The following HCN1 variants were observed in gnomAD, a reference collection of about 807,000 sequenced individuals.
The protein encoded by HCN1 is potassium/sodium hyperpolarization-activated cyclic nucleotide-gated channel 1.
Under a neutral mutation model 78.9 loss-of-function variants are expected in HCN1, and 13 were observed. That is an observed-to-expected ratio of 0.16 (90% CI 0.11 to 0.26). The LOEUF (loss-of-function observed/expected upper bound fraction) is 0.26. Among genes scored for constraint, HCN1 ranks in the 10% least tolerant of loss-of-function variants. The pLI is 1.00. For synonymous variants in HCN1, 552 were observed against 455.5 expected (o/e 1.21, Z -2.70); for missense variants, 810 against 1,154.3 (o/e 0.70, Z 4.32).
At chr5:45,511,141 C>T (rs932195029) in intron 2 of HCN1, among the ~76,000 whole-genome samples, 1 of 151,858 alleles carries the variant, frequency 6.6e-6, no homozygotes, top group Non-Finnish European at 1.5e-5. Context: ...CATGAGCTCT[C>T]CATGGCCAAA....
At chr5:45,561,827 A>T (rs1192115604) in intron 2 of HCN1, among the ~76,000 whole-genome samples, 2 of 152,146 alleles carry the variant, frequency 1.3e-5, no homozygotes, top group African/African-American at 2.4e-5. Context: ...TACTTAACAA[A>T]ATCCTAACTC....
At chr5:45,370,871 G>C (rs1046346999) in intron 4 of HCN1, among the ~76,000 whole-genome samples, 1 of 152,024 alleles carries the variant, frequency 6.6e-6, no homozygotes, top group Non-Finnish European at 1.5e-5. Context: ...AGTGATGATG[G>C]AGCTAAATGG....
chr5:45,290,057 G>GT (rs1745340301), intron 6 of HCN1, among the ~76,000 whole-genome samples: 1 of 151,922 alleles, frequency 6.6e-6, no homozygotes, highest in Non-Finnish European at 1.5e-5. Context: ...CATGGAGGCA[G>GT]TTTTTCCTGC....
In HCN1 at chr5:45,496,377, G is replaced by A. The variant is rs572997644; in HGVS notation, c.850-34370C>T. ...GTATCCATTTCTTCTAGATTTTCTA[G>A]TTTATTTGCGTAGAGGTGTTTGTAG... is the stretch of plus-strand genomic sequence containing the variant. On this transcript the variant is annotated intron_variant, in intron 2 of 7. Coordinates refer to ENST00000303230, the MANE Select transcript of HCN1 (RefSeq NM_021072.4). 1.8e-3 allele frequency among the ~76,000 whole-genome samples: 279 copies of A among 151,828 alleles called. 1 individual carries two copies. The highest frequency in any genetic ancestry group is 3.5e-3 in the South Asian group (17 of 4,798).
chr5:45,495,959 T>G (rs1160619258), intron 2 of HCN1, among the ~76,000 whole-genome samples: 4 of 152,206 alleles, frequency 2.6e-5, no homozygotes, highest in African/African-American at 9.6e-5. Flanking sequence ...GCCCACTTGA[T>G]CATGGTGGAT....
Position 45,443,755 on chromosome 5 carries a change from G to A in HCN1, c.1011+18091C>T, listed in dbSNP as rs1412188761. Reference sequence around the variant, plus strand: ...TAATTTAATATTTTTCTCTAATTGTGTTCCAAATAGAAACTGACAAATAGT... The same window carrying A: ...TAATTTAATATTTTTCTCTAATTGTATTCCAAATAGAAACTGACAAATAGT... On this transcript the variant is annotated intron_variant, in intron 3 of 7. Coordinates refer to ENST00000303230, the MANE Select transcript of HCN1 (RefSeq NM_021072.4). 3.3e-5 allele frequency among the ~76,000 whole-genome samples: 5 copies of A among 152,018 alleles called. No homozygotes were observed. The East Asian group carries it at 9.6e-4, about 29-fold the overall frequency.
At chr5:45,341,254 T>A (rs557833603) in intron 5 of HCN1, among the ~76,000 whole-genome samples, 1 of 152,226 alleles carries the variant, frequency 6.6e-6, no homozygotes, top group Non-Finnish European at 1.5e-5. Flanking sequence ...AAGGAAAAAA[T>A]TCAACCTGTT....
chr5:45,325,761 C>T (rs1391938671), intron 5 of HCN1, among the ~76,000 whole-genome samples: 1 of 151,518 alleles, frequency 6.6e-6, no homozygotes, highest in African/African-American at 2.4e-5. Context: ...AAGTTCAGCA[C>T]CTGCTTCAAT....
intron 4 of HCN1, among the ~76,000 whole-genome samples, chr5:45,357,368 T>G (rs149087273): frequency 6.6e-6 from 1 of 152,190 alleles, no homozygotes; most frequent in African/African-American, 2.4e-5. Flanking sequence ...GATTTGTTTC[T>G]TATCTTTATT....
intron 5 of HCN1, among the ~76,000 whole-genome samples, chr5:45,348,841 C>A (rs1281561952): frequency 6.6e-6 from 1 of 152,278 alleles, no homozygotes. Context: ...AATATATATG[C>A]ATCCAATACA....
chr5:45,363,813 TCTC>T (rs776448320), intron 4 of HCN1, among the ~76,000 whole-genome samples: 4 of 152,150 alleles, frequency 2.6e-5, no homozygotes, highest in Non-Finnish European at 5.9e-5. Flanking sequence ...GAAGTGCCTT[TCTC>T]CTCCTGCCAT....
intron 2 of HCN1, among the ~76,000 whole-genome samples, chr5:45,584,856 C>T (rs1744174177): frequency 6.6e-6 from 1 of 152,162 alleles, no homozygotes; most frequent in African/African-American, 2.4e-5. Flanking sequence ...TGAATATTGG[C>T]CCCCACTCTC....
chr5:45,494,281 A>G (rs1158149022), intron 2 of HCN1, among the ~76,000 whole-genome samples: 1 of 152,010 alleles, frequency 6.6e-6, no homozygotes, highest in Non-Finnish European at 1.5e-5. Context: ...TGACTTTTGA[A>G]TGATTGCCAT....
rs1207586487 is a variant in HCN1 at position 45,537,561 on chromosome 5, CAG to C, written c.850-75556_850-75555del. 1.1e-4 allele frequency among the ~76,000 whole-genome samples: 4 copies of C among 35,318 alleles called. No homozygotes were observed. The Admixed American group carries it at 1.8e-3, about 16-fold the overall frequency. 23.2% of individuals were successfully genotyped at this position (35,318 alleles called of 152,430 possible). A position where few individuals can be genotyped will look rare whatever the true frequency, so the allele number is the denominator to read the frequency against. On this transcript the variant is annotated intron_variant, in intron 2 of 7. Transcript: ENST00000303230. ...TTTTTTTTTTTTTTTTTTTTTGAGACAGAGTTTCGCTCTTTTGCCCAGGCTGG... is the reference window on the plus strand; with the variant it reads ...TTTTTTTTTTTTTTTTTTTTTGAGACAGTTTCGCTCTTTTGCCCAGGCTGG...
chr5:45,384,686 A>T (rs897327641), intron 4 of HCN1, among the ~76,000 whole-genome samples: 24 of 152,280 alleles, frequency 1.6e-4, no homozygotes, highest in African/African-American at 5.3e-4. Flanking sequence ...TCTTCCTTGG[A>T]TGTTATGGAC....
intron 4 of HCN1, among the ~76,000 whole-genome samples, chr5:45,359,293 A>C: frequency 6.6e-6 from 1 of 151,850 alleles, no homozygotes; most frequent in African/African-American, 2.4e-5. Context: ...GCAAATTATT[A>C]ATAATTACTC....
At chr5:45,503,840 C>CTATG (rs985019840) in intron 2 of HCN1, among the ~76,000 whole-genome samples, 2 of 149,972 alleles carry the variant, frequency 1.3e-5, no homozygotes, top group African/African-American at 2.5e-5. Flanking sequence ...GGCTGGAATA[C>CTATG]TATGGTGCCA....
At chr5:45,340,085 A>AT (rs1746544166) in intron 5 of HCN1, among the ~76,000 whole-genome samples, 1 of 151,844 alleles carries the variant, frequency 6.6e-6, no homozygotes, top group Non-Finnish European at 1.5e-5. Context: ...CTCCCAGCTA[A>AT]TTTTTTTGTA....
chr5:45,297,825 TCAC>T (rs1745530719), intron 6 of HCN1, among the ~76,000 whole-genome samples: 1 of 151,888 alleles, frequency 6.6e-6, no homozygotes, highest in Non-Finnish European at 1.5e-5. Context: ...TCAAAACAAT[TCAC>T]CACATTGACA....
Sources: allele counts gnomAD v4.1 joint callset (sites outside exome capture counted in the v4.1 genomes callset), GRCh38; gene constraint gnomAD v4.1.1; transcripts MANE v1.5; gene names NCBI Gene and HGNC (gene_info 2026-07-23, HGNC 2026-07-21).